The following NEBL variants were observed in gnomAD, a reference collection of about 807,000 sequenced individuals.
The protein encoded by NEBL is nebulette.
NEBL carries 122 observed loss-of-function variants against 140.2 expected under a neutral mutation model. The ratio of observed to expected loss-of-function variants is 0.87; its 90% CI spans 0.75 to 1.01. The LOEUF (loss-of-function observed/expected upper bound fraction) is 1.01. NEBL is among the 50% of genes least tolerant of loss of function. NEBL has a pLI of 0.00. For missense variants in NEBL, 1,365 were observed against 1,231.3 expected, an observed-to-expected ratio of 1.11 and a Z score of -1.62; for synonymous variants, 436 against 398.9, an observed-to-expected ratio of 1.09 and a Z score of -1.11.
chr10:20,800,925 T>C (rs1441004044), intron 26 of NEBL, among the ~76,000 whole-genome samples: 1 of 151,838 alleles, frequency 6.6e-6, no homozygotes, highest in African/African-American at 2.4e-5. Flanking sequence ...GTCCTCTAAA[T>C]AGCGTTTAAG....
At chr10:20,830,992 C>T (rs1260084991) in intron 16 of NEBL, among the ~76,000 whole-genome samples, 2 of 151,036 alleles carry the variant, frequency 1.3e-5, no homozygotes, top group Non-Finnish European at 2.9e-5. Context: ...TGTAGCTCTC[C>T]ATAATGTCTG....
chr10:20,891,345 C>T (rs762427826), intron 2 of NEBL, among the ~76,000 whole-genome samples: 2 of 152,132 alleles, frequency 1.3e-5, no homozygotes, highest in Non-Finnish European at 2.9e-5. Flanking sequence ...TGCAAATCAC[C>T]CTCCTCAGCC....
chr10:21,058,584 G>T (rs1007440929), intron 2 of NEBL, among the ~76,000 whole-genome samples: 2 of 151,746 alleles, frequency 1.3e-5, no homozygotes, highest in African/African-American at 4.8e-5. Flanking sequence ...ACTTGTAAAA[G>T]AAACAACATT....
chr10:20,909,869 C>T (rs984670311), intron 4 of NEBL, among the ~76,000 whole-genome samples: 1 of 151,876 alleles, frequency 6.6e-6, no homozygotes, highest in African/African-American at 2.4e-5. Context: ...TGATCCAAAG[C>T]ACATATAGTG....
At chr10:21,106,116 A>AT (rs1837706857) in intron 2 of NEBL, among the ~76,000 whole-genome samples, 1 of 151,442 alleles carries the variant, frequency 6.6e-6, no homozygotes, top group Non-Finnish European at 1.5e-5. Flanking sequence ...GATTGCAAAG[A>AT]TTTTCTCCCA....
chr10:21,087,912 AG>A (rs1564506587), intron 2 of NEBL, among the ~76,000 whole-genome samples: 1 of 152,244 alleles, frequency 6.6e-6, no homozygotes, highest in Non-Finnish European at 1.5e-5. Context: ...ACTCTGAAAT[AG>A]GCAAATCGAT....
chr10:20,956,558 G>T (rs1038543875), intron 4 of NEBL, among the ~76,000 whole-genome samples: 1 of 151,938 alleles, frequency 6.6e-6, no homozygotes, highest in Non-Finnish European at 1.5e-5. Flanking sequence ...ATAACTAATC[G>T]TCTATGTTAA....
intron 3 of NEBL, among the ~76,000 whole-genome samples, chr10:21,186,144 T>A (rs544199240): frequency 1.6e-4 from 24 of 152,254 alleles, no homozygotes; most frequent in African/African-American, 5.5e-4. Flanking sequence ...AAGGCACACT[T>A]AAAACTTTAA....
intron 12 of NEBL, 60 bp from the exon 13 acceptor site, chr10:20,840,909 A>G: frequency 1.1e-6 from 1 of 947,336 alleles, no homozygotes; most frequent in Non-Finnish European, 1.7e-6. Context: ...TCAGTGTGCT[A>G]TTCTACATGT....
intron 3 of NEBL, among the ~76,000 whole-genome samples, chr10:21,017,839 C>G (rs1314362015): frequency 6.7e-6 from 1 of 149,546 alleles, no homozygotes; most frequent in Non-Finnish European, 1.5e-5. Context: ...TTTTTTTTTC[C>G]CCAAAATAGA....
chr10:20,944,842 A>G (rs1835077764), intron 4 of NEBL, among the ~76,000 whole-genome samples: 1 of 152,168 alleles, frequency 6.6e-6, no homozygotes, highest in Non-Finnish European at 1.5e-5. Context: ...TATTCTCCAA[A>G]AGCAGACATG....
At chr10:21,271,232 A>G (rs867981733) in intron 1 of NEBL, among the ~76,000 whole-genome samples, 2 of 152,198 alleles carry the variant, frequency 1.3e-5, no homozygotes, top group South Asian at 2.1e-4. Flanking sequence ...ATGTTATGCT[A>G]AGTGAAATAA....
chr10:21,165,765 T>C (rs960896862), intron 2 of NEBL, among the ~76,000 whole-genome samples: 1 of 152,090 alleles, frequency 6.6e-6, no homozygotes, highest in African/African-American at 2.4e-5. Context: ...ATGTGGTGAC[T>C]GTGTTGGACT....
chr10:20,815,842 C>T, intron 21 of NEBL, 125 bp from the exon 22 acceptor site: 1 of 739,502 alleles, frequency 1.4e-6, no homozygotes. Flanking sequence ...AATCTTTGCT[C>T]ACCACAGCCT....
intron 2 of NEBL, among the ~76,000 whole-genome samples, chr10:21,134,197 G>A (rs747523054): frequency 4.0e-5 from 6 of 151,346 alleles, no homozygotes; most frequent in Non-Finnish European, 1.5e-5. Context: ...TTGCACTCCA[G>A]CCTGGGCAAC....
intron 4 of NEBL, among the ~76,000 whole-genome samples, chr10:20,930,502 A>G (rs968980196): frequency 5.9e-5 from 9 of 152,180 alleles, no homozygotes; most frequent in African/African-American, 1.9e-4. Flanking sequence ...AAATTGTATC[A>G]TACCTTTACT....
chr10:21,227,689 CTTCTTCTTCTTCTTCTTCTTCT>C (rs1256971977), intron 3 of NEBL, among the ~76,000 whole-genome samples: 121 of 89,018 alleles, frequency 1.4e-3, no homozygotes, highest in Admixed American at 3.8e-3. Context: ...TCTTCTTCTT[CTTCTTCTTCTTCTTCTTCTTCT>C]TTCTTCTTCT....
At position 21,115,784 on chromosome 10, in the gene NEBL, A is replaced by G. The variant is rs142013514; in HGVS notation, c.164+56599T>C. Among the ~76,000 whole-genome samples the G allele has an allele frequency of 2.4e-3, 371 of 152,044 alleles. 2 individuals carry two copies. Among genetic ancestry groups the G allele is most frequent in the African/African-American group, 8.3e-3 (343 of 41,518 alleles). Reference sequence around the variant, plus strand: ...GATATTTTTCAGCCACTATTTCTTTAGATTTTTTTCTGTTCCTTCCCAATC... The same window carrying G: ...GATATTTTTCAGCCACTATTTCTTTGGATTTTTTTCTGTTCCTTCCCAATC... On this transcript the variant is annotated intron_variant, in intron 2 of 6. Transcript: ENST00000417816.
intron 21 of NEBL, among the ~76,000 whole-genome samples, chr10:20,817,009 G>A (rs1838785740): frequency 6.6e-6 from 1 of 152,136 alleles, no homozygotes; most frequent in Non-Finnish European, 1.5e-5. Context: ...GATGCCAGAA[G>A]CTACGACTGT....
Sources: allele counts gnomAD v4.1 joint callset (sites outside exome capture counted in the v4.1 genomes callset), GRCh38; gene constraint gnomAD v4.1.1; transcripts MANE v1.5; gene names NCBI Gene and HGNC (gene_info 2026-07-23, HGNC 2026-07-21).